Variants in TNKS observed in about 807,000 individuals in gnomAD.
The protein encoded by TNKS is poly [ADP-ribose] polymerase tankyrase-1.
TNKS carries 72 observed loss-of-function variants against 135.8 expected under a neutral mutation model. The observed-to-expected ratio is 0.53, with a 90% CI of 0.44 to 0.64. The LOEUF (loss-of-function observed/expected upper bound fraction) is 0.64, where lower values mean the gene tolerates loss of function less well. Among genes scored for constraint, TNKS ranks in the 30% least tolerant of loss-of-function variants. TNKS has a pLI of 0.00. For synonymous variants in TNKS, 849 were observed against 649.3 expected (o/e 1.31, Z -4.68); for missense variants, 1,769 against 1,674.0 (o/e 1.06, Z -0.99).
At chr8:9,691,393 T>C (rs955880697) in intron 5 of TNKS, among the ~76,000 whole-genome samples, 6 of 152,258 alleles carry the variant, frequency 3.9e-5, no homozygotes, top group African/African-American at 1.2e-4. Context: ...TAATGTCTAC[T>C]GACCTATGGA....
rs113046137 is a variant in TNKS at position 9,765,768 on chromosome 8, A to G, written c.3524A>G (p.Asn1175Ser). Residue 1175 changes from asparagine (N) to serine (S), a missense_variant, in exon 24 of 27, where the codon AAC (asparagine) becomes AGC (serine). Around this residue, in one of 5 missense-constraint regions of TNKS, gnomAD observed 722 missense variants for 688.9 expected, o/e 1.05. Coordinates refer to ENST00000310430, the MANE Select transcript of TNKS (RefSeq NM_003747.3). ...AAGGAAGTGTCTGAGGAGAATCACA[A>G]CCATCACAATGAGCGCATGTTGTTT... ...RQKEVSEENH[N>S]HHNERMLFHG... 848 of 1,613,994 alleles carry G rather than the reference A, an allele frequency of 5.3e-4. 1 individual carries two copies. Among genetic ancestry groups the G allele is most frequent in the Non-Finnish European group, 4.3e-4 (507 of 1,179,908 alleles).
At chr8:9,622,850 G>T (rs1488651284) in intron 3 of TNKS, among the ~76,000 whole-genome samples, 3 of 152,122 alleles carry the variant, frequency 2.0e-5, no homozygotes, top group African/African-American at 7.2e-5. Flanking sequence ...TCCCTTATCT[G>T]TGGGGATACG....
At chr8:9,594,475 G>A (rs1025989264) in intron 2 of TNKS, among the ~76,000 whole-genome samples, 3 of 152,220 alleles carry the variant, frequency 2.0e-5, no homozygotes, top group East Asian at 1.9e-4. Flanking sequence ...TCGTAATGGA[G>A]AGTGTAGACA....
intron 1 of TNKS, among the ~76,000 whole-genome samples, chr8:9,565,752 G>T (rs1165242431): frequency 1.3e-5 from 2 of 152,084 alleles, no homozygotes; most frequent in African/African-American, 4.8e-5. Flanking sequence ...AGCTACTCGG[G>T]AGGCTGAGGC....
intron 3 of TNKS, among the ~76,000 whole-genome samples, chr8:9,623,543 T>C (rs886616273): frequency 6.6e-6 from 1 of 152,164 alleles, no homozygotes; most frequent in Non-Finnish European, 1.5e-5. Flanking sequence ...TAAAAATACT[T>C]TATTGCTAAG....
intron 7 of TNKS, 106 bp from the exon 8 acceptor site, chr8:9,706,704 AT>A: frequency 9.3e-7 from 1 of 1,077,064 alleles, no homozygotes; most frequent in Non-Finnish European, 1.3e-6. Context: ...TAAAACACTT[AT>A]TTGAACAAGT....
At chr8:9,564,795 A>C (rs1318648819) in intron 1 of TNKS, among the ~76,000 whole-genome samples, 2 of 152,244 alleles carry the variant, frequency 1.3e-5, no homozygotes, top group Non-Finnish European at 2.9e-5. Flanking sequence ...GGATTAGTTA[A>C]GATAAGATGG....
At chr8:9,566,763 C>T (rs1158484531) in intron 1 of TNKS, among the ~76,000 whole-genome samples, 4 of 151,406 alleles carry the variant, frequency 2.6e-5, no homozygotes, top group African/African-American at 7.3e-5. Flanking sequence ...CGCCCGCCAC[C>T]GCGCCCGGCT....
chr8:9,684,826 G>A (rs912479860), intron 5 of TNKS, among the ~76,000 whole-genome samples: 1 of 152,080 alleles, frequency 6.6e-6, no homozygotes, highest in African/African-American at 2.4e-5. Flanking sequence ...ACTGGTTAAC[G>A]GGGAGCTCAA....
intron 2 of TNKS, among the ~76,000 whole-genome samples, chr8:9,584,752 C>T (rs920111697): frequency 6.6e-6 from 1 of 152,202 alleles, no homozygotes; most frequent in African/African-American, 2.4e-5. Context: ...ACCACACCTC[C>T]ATCTCTCCTT....
At chr8:9,721,097 T>C in intron 12 of TNKS, among the ~76,000 whole-genome samples, 1 of 151,804 alleles carries the variant, frequency 6.6e-6, no homozygotes, top group East Asian at 1.9e-4. Context: ...TTGGCCAACA[T>C]GGTGAAACCC....
chr8:9,606,533 C>T (rs1293904618), intron 2 of TNKS, among the ~76,000 whole-genome samples: 1 of 152,012 alleles, frequency 6.6e-6, no homozygotes, highest in Non-Finnish European at 1.5e-5. Context: ...CACAGTTTCC[C>T]ACTTGATTAT....
In TNKS at chr8:9,781,733, T is replaced by C. The variant is rs1249323003; in HGVS notation, c.*4997T>C. On this transcript the variant is annotated 3_prime_UTR_variant, in exon 27 of 27. Transcript: ENST00000310430. ...TGTTGCCTGGCAACAGCACTCGGAGTAGTAATTGTGTTTTCTCATTGTGAT... is the reference window on the plus strand; with the variant it reads ...TGTTGCCTGGCAACAGCACTCGGAGCAGTAATTGTGTTTTCTCATTGTGAT... 1 of 152,412 alleles carries C rather than the reference T, an allele frequency of 6.6e-6. No homozygotes were observed. The highest frequency in any genetic ancestry group is 6.6e-5 in the Admixed American group (1 of 15,260). The allele number at this position is 152,412 out of a possible 1,614,324, so 9.4% of individuals were successfully genotyped here.
intron 11 of TNKS, 59 bp downstream of exon 11, chr8:9,710,279 A>G (rs1202901136): frequency 1.3e-6 from 2 of 1,488,064 alleles, no homozygotes; most frequent in African/African-American, 1.4e-5. Context: ...GCTGCTCTTA[A>G]CACTGCTTCT....
chr8:9,591,120 A>G (rs1798577079), intron 2 of TNKS, among the ~76,000 whole-genome samples: 2 of 152,196 alleles, frequency 1.3e-5, no homozygotes, highest in Non-Finnish European at 2.9e-5. Context: ...GCATGTGGCT[A>G]TCCAGTTTTC....
At chr8:9,764,392 T>C (rs1425294440) in intron 22 of TNKS, among the ~76,000 whole-genome samples, 1 of 152,142 alleles carries the variant, frequency 6.6e-6, no homozygotes, top group Non-Finnish European at 1.5e-5. Flanking sequence ...TAAGGAGTTT[T>C]TGTTTGACTT....
intron 2 of TNKS, among the ~76,000 whole-genome samples, chr8:9,592,702 T>A (rs1322558917): frequency 6.6e-6 from 1 of 152,200 alleles, no homozygotes; most frequent in Non-Finnish European, 1.5e-5. Context: ...GAAACGTGTG[T>A]GAAGTGACAA....
At chr8:9,769,279 C>T (rs1373767161) in intron 25 of TNKS, among the ~76,000 whole-genome samples, 1 of 152,202 alleles carries the variant, frequency 6.6e-6, no homozygotes, top group Non-Finnish European at 1.5e-5. Flanking sequence ...TTGCTAACCC[C>T]TGGTGTATAT....
At chr8:9,708,311 G>T in intron 8 of TNKS, 60 bp from the exon 9 acceptor site, 1 of 1,349,044 alleles carries the variant, frequency 7.4e-7, no homozygotes, top group Non-Finnish European at 1.0e-6. Flanking sequence ...TTATAATCAT[G>T]CTGAAGATTT....
Sources: allele counts gnomAD v4.1 joint callset (sites outside exome capture counted in the v4.1 genomes callset), GRCh38; gene constraint gnomAD v4.1.1; regional missense constraint gnomAD v4.1.1; transcripts MANE v1.5; gene names NCBI Gene and HGNC (gene_info 2026-07-23, HGNC 2026-07-21).